Variants in BMPR2 observed in about 807,000 individuals in gnomAD.
The protein encoded by BMPR2 is bone morphogenetic protein receptor type-2.
A neutral mutation model predicts 100.8 loss-of-function variants in BMPR2; 29 were observed. The ratio of observed to expected loss-of-function variants is 0.29; its 90% confidence interval spans 0.21 to 0.39. BMPR2 has a LOEUF of 0.39. BMPR2 is among the 10% of genes least tolerant of loss of function. BMPR2 has a pLI of 1.00. For missense variants in BMPR2, 1,011 were observed against 1,274.5 expected, an observed-to-expected ratio of 0.79 and a Z score of 3.15; for synonymous variants, 382 against 442.3, an observed-to-expected ratio of 0.86 and a Z score of 1.71.
chr2:202,496,416 G>A (rs1008440298), intron 3 of BMPR2, among the ~76,000 whole-genome samples: 2 of 152,280 alleles, frequency 1.3e-5, no homozygotes, highest in East Asian at 1.9e-4. Flanking sequence ...GGCTGAGGCT[G>A]TAGTGAGCCA....
At chr2:202,429,830 G>A (rs556436484) in intron 1 of BMPR2, among the ~76,000 whole-genome samples, 1 of 152,100 alleles carries the variant, frequency 6.6e-6, no homozygotes, top group Non-Finnish European at 1.5e-5. Context: ...CAGATCTCTT[G>A]TGAACCCACT....
At chr2:202,551,669 G>A (rs1293689616) in intron 10 of BMPR2, among the ~76,000 whole-genome samples, 1 of 152,120 alleles carries the variant, frequency 6.6e-6, no homozygotes, top group Non-Finnish European at 1.5e-5. Context: ...AAGAAGAGAT[G>A]TCTGTAAGTT....
Position 202,517,334 on chromosome 2 carries a change from T to A in BMPR2, c.622-1488T>A, listed in dbSNP as rs534577853. Among the ~76,000 whole-genome samples, 7 of 145,500 alleles carry A rather than the reference T, an allele frequency of 4.8e-5. No individual in the cohort carries two copies. In the East Asian group the frequency reaches 1.4e-3, roughly 28 times the overall value. On this transcript the variant is annotated intron_variant, in intron 5 of 12. Coordinates refer to ENST00000374580, the MANE Select transcript of BMPR2 (RefSeq NM_001204.7). ...CTCAAATCTCAGTTCAGTTATTTTA[T>A]CTTTTTTTTTTTTTTTTTACTCTGT...
Position 202,376,333 on chromosome 2 carries a change from C to T in BMPR2, c.-1142C>T, listed in dbSNP as rs1574415014. Among the ~76,000 whole-genome samples the T allele has an allele frequency of 6.9e-6, 1 of 145,032 alleles. No individual in the cohort carries two copies. The highest frequency in any genetic ancestry group is 2.2e-4 in the East Asian group (1 of 4,592). On this transcript the variant is annotated 5_prime_UTR_variant, in exon 1 of 13. Transcript: ENST00000374580. ...GCAGACTGGCAGCTGCGGCGACTCCCCCCTTTGTGTCTGGTCTGCTCGGAG... is the reference window on the plus strand; with the variant it reads ...GCAGACTGGCAGCTGCGGCGACTCCTCCCTTTGTGTCTGGTCTGCTCGGAG...
intron 3 of BMPR2, among the ~76,000 whole-genome samples, chr2:202,484,121 A>G (rs1244728796): frequency 6.6e-6 from 1 of 152,158 alleles, no homozygotes; most frequent in Non-Finnish European, 1.5e-5. Context: ...TTGAAGTAAG[A>G]TTTCTATACA....
intron 1 of BMPR2, among the ~76,000 whole-genome samples, chr2:202,463,121 T>C (rs969961717): frequency 5.9e-5 from 9 of 152,152 alleles, no homozygotes; most frequent in African/African-American, 1.9e-4. Context: ...TTTATAAATA[T>C]GTAAATATTA....
chr2:202,399,008 AC>A (rs1364136224), intron 1 of BMPR2, among the ~76,000 whole-genome samples: 1 of 152,172 alleles, frequency 6.6e-6, no homozygotes, highest in Non-Finnish European at 1.5e-5. Context: ...CATGCCTGTA[AC>A]CCTAGCTACT....
chr2:202,377,435 T>G lies in BMPR2; in HGVS notation c.-40T>G, dbSNP rs567729546. On this transcript the variant is annotated 5_prime_UTR_variant, in exon 1 of 13. Transcript: ENST00000374580. ...TTTCTCCGCCGGTCTACTTCCCATA[T>G]TTCTTTTCTTTGCCCTCCTGATTCT... 21 of 1,604,144 alleles carry G rather than the reference T, an allele frequency of 1.3e-5. No individual in the cohort carries two copies. The highest frequency in any genetic ancestry group is 1.7e-5 in the Non-Finnish European group (20 of 1,171,004).
intron 1 of BMPR2, among the ~76,000 whole-genome samples, chr2:202,423,393 G>A (rs1221573273): frequency 6.6e-6 from 1 of 152,132 alleles, no homozygotes; most frequent in Non-Finnish European, 1.5e-5. Flanking sequence ...CTTCAGACAC[G>A]GGGGCTGTGT....
intron 3 of BMPR2, among the ~76,000 whole-genome samples, chr2:202,498,251 G>T (rs1324555769): frequency 3.3e-5 from 5 of 152,336 alleles, no homozygotes; most frequent in Admixed American, 3.3e-4. Context: ...TTGTGGTCTA[G>T]GAGGACAGGC....
chr2:202,546,319 G>A (rs1395179745), intron 10 of BMPR2, among the ~76,000 whole-genome samples: 2 of 152,120 alleles, frequency 1.3e-5, no homozygotes, highest in Admixed American at 1.3e-4. Flanking sequence ...CATTCCTTTA[G>A]TAGTAAAACT....
rs747778000 is a variant in BMPR2, at chr2:202,566,473, A to G, written c.*6527A>G. The G allele has an allele frequency of 6.6e-6, 1 of 152,570 alleles. No homozygotes were observed. Among genetic ancestry groups the G allele is most frequent in the Non-Finnish European group, 1.5e-5 (1 of 68,008 alleles). 9.5% of individuals were successfully genotyped at this position (152,570 alleles called of 1,614,324 possible). The stretch of plus-strand genomic sequence containing the variant: ...GTTCTGTAATTACTGAACAGAGGGA[A>G]TGACTCAACTAATTGGCTACATGTT... On this transcript the variant is annotated 3_prime_UTR_variant, in exon 13 of 13. Transcript: ENST00000374580.
At chr2:202,466,170 T>C (rs1692317293) in intron 2 of BMPR2, among the ~76,000 whole-genome samples, 1 of 152,202 alleles carries the variant, frequency 6.6e-6, no homozygotes. Context: ...GGTTATAAGA[T>C]ATATCAATAT....
At chr2:202,381,531 T>C (rs1184793984) in intron 1 of BMPR2, among the ~76,000 whole-genome samples, 1 of 152,158 alleles carries the variant, frequency 6.6e-6, no homozygotes, top group Non-Finnish European at 1.5e-5. Context: ...GACCGAGTCA[T>C]ATGGCTAGGC....
chr2:202,446,963 A>G (rs1473421189), intron 1 of BMPR2, among the ~76,000 whole-genome samples: 1 of 149,282 alleles, frequency 6.7e-6, no homozygotes, highest in Admixed American at 6.6e-5. Context: ...AATTTTTAAA[A>G]ATGCAGTTAC....
intron 9 of BMPR2, among the ~76,000 whole-genome samples, chr2:202,534,405 G>T (rs577553737): frequency 6.6e-6 from 1 of 151,660 alleles, no homozygotes; most frequent in Non-Finnish European, 1.5e-5. Flanking sequence ...AGGACCCTGC[G>T]GCCTTCCGCA....
intron 3 of BMPR2, among the ~76,000 whole-genome samples, chr2:202,497,511 T>C (rs1693064610): frequency 6.6e-6 from 1 of 152,122 alleles, no homozygotes. Context: ...TTGGGACCAT[T>C]GGTTTGCCTA....
chr2:202,472,044 G>T (rs1692448540), intron 3 of BMPR2, among the ~76,000 whole-genome samples: 1 of 152,046 alleles, frequency 6.6e-6, no homozygotes, highest in South Asian at 2.1e-4. Context: ...TGTGACTGTT[G>T]TGTAAGGTTT....
At chr2:202,451,143 T>C (rs1321394173) in intron 1 of BMPR2, among the ~76,000 whole-genome samples, 1 of 152,222 alleles carries the variant, frequency 6.6e-6, no homozygotes, top group African/African-American at 2.4e-5. Flanking sequence ...GTGACTCTTG[T>C]ATTTTTAGAT....
Sources: allele counts gnomAD v4.1 joint callset (sites outside exome capture counted in the v4.1 genomes callset), GRCh38; gene constraint gnomAD v4.1.1; transcripts MANE v1.5; gene names NCBI Gene and HGNC (gene_info 2026-07-23, HGNC 2026-07-21).